Variants in DOP1A observed in about 807,000 individuals in gnomAD.
The protein encoded by DOP1A is protein DOP1A.
In DOP1A, 90 loss-of-function variants were observed where a neutral mutation model predicts 267.6. That is an observed-to-expected ratio of 0.34 (90% CI 0.28 to 0.40). DOP1A has a LOEUF of 0.40. Ranked by LOEUF, DOP1A falls within the 10% of genes least tolerant of loss-of-function variation. DOP1A has a pLI of 1.00. For missense variants in DOP1A, 2,437 were observed against 2,900.4 expected (o/e 0.84, Z 3.67); for synonymous variants, 932 against 999.1 (o/e 0.93, Z 1.27).
intron 27 of DOP1A, among the ~76,000 whole-genome samples, chr6:83,149,269 T>C (rs1781140830): frequency 6.6e-6 from 1 of 152,230 alleles, no homozygotes. Flanking sequence ...TGAAGTTTTC[T>C]GATTTATCTT....
chr6:83,121,289 T>C (rs1198453891), intron 10 of DOP1A, among the ~76,000 whole-genome samples: 3 of 151,812 alleles, frequency 2.0e-5, no homozygotes. Flanking sequence ...GTATGTAATT[T>C]CTTCAAATTA....
intron 1 of DOP1A, among the ~76,000 whole-genome samples, chr6:83,072,312 CA>C (rs1036570587): frequency 5.3e-4 from 75 of 141,252 alleles, no homozygotes; most frequent in South Asian, 1.1e-3. Context: ...TAACGGTTTC[CA>C]AAAAAAAAAA....
chr6:83,068,647 T>A (rs1010677736), intron 1 of DOP1A, among the ~76,000 whole-genome samples: 2 of 152,224 alleles, frequency 1.3e-5, no homozygotes, highest in African/African-American at 4.8e-5. Flanking sequence ...AAATCTGTTT[T>A]GATGTTGTTG....
intron 6 of DOP1A, among the ~76,000 whole-genome samples, chr6:83,111,297 A>T (rs752683841): frequency 1.3e-5 from 2 of 151,708 alleles, no homozygotes; most frequent in Non-Finnish European, 2.9e-5. Context: ...GGTTGTTTCT[A>T]TATTTTTTGG....
chr6:83,124,263 G>A (rs1328508138), intron 12 of DOP1A, among the ~76,000 whole-genome samples: 11 of 152,066 alleles, frequency 7.2e-5, no homozygotes, highest in Admixed American at 7.2e-4. Context: ...CCTGGAGGAG[G>A]TAACATTTGA....
intron 27 of DOP1A, 130 bp from the exon 28 acceptor site, chr6:83,151,463 G>A (rs1781659980): frequency 1.7e-6 from 1 of 597,056 alleles, no homozygotes; most frequent in East Asian, 3.0e-5. Context: ...CATAGGATAT[G>A]TATATATATT....
rs142431375 is a variant in DOP1A at position 83,130,304 on chromosome 6, A to T, written c.2523A>T (p.Leu841Phe). ...NINSVEPAQPLSPNQGRVAVV... is the reference protein window; with the variant it reads ...NINSVEPAQPFSPNQGRVAVV... Reference sequence around the variant, plus strand: ...ACAGTGTAGAGCCTGCACAACCCTTAAGTCCAAACCAGGGAAGAGTAGCTG... The same window carrying T: ...ACAGTGTAGAGCCTGCACAACCCTTTAGTCCAAACCAGGGAAGAGTAGCTG... Residue 841 changes from leucine to phenylalanine, a missense_variant, in exon 17 of 39, where the codon TTA becomes TTT. By Grantham distance (22) the Leu-to-Phe change is conservative (BLOSUM62 0). Coordinates refer to ENST00000349129, the MANE Select transcript of DOP1A (RefSeq NM_015018.4). 229 of 1,613,966 alleles carry T rather than the reference A, an allele frequency of 1.4e-4. No individual in the cohort carries two copies. The highest frequency in any genetic ancestry group is 1.7e-4 in the Non-Finnish European group (199 of 1,179,950).
At chr6:83,167,163 T>C in intron 38 of DOP1A, 1 of 901,932 alleles carries the variant, frequency 1.1e-6, no homozygotes, top group Non-Finnish European at 1.3e-6. Flanking sequence ...TTTTAGACTG[T>C]CCCATTTTAT....
intron 4 of DOP1A, 130 bp downstream of exon 4, chr6:83,101,016 C>T (rs1235230570): frequency 5.4e-6 from 3 of 552,188 alleles, no homozygotes; most frequent in Non-Finnish European, 8.1e-6. Context: ...AGATATCAAT[C>T]TTTGTTTTGT....
chr6:83,138,812 T>A lies in DOP1A; in HGVS notation c.4770T>A (p.Ile1590=). 6.2e-7 allele frequency: 1 copy of A among 1,614,028 alleles called. No homozygotes were observed. The highest frequency in any genetic ancestry group is 8.5e-7 in the Non-Finnish European group (1 of 1,179,934). The change falls in exon 21 of 39, where the codon ATT becomes ATA. Residue 1590 remains isoleucine, a synonymous_variant. Coordinates refer to ENST00000349129, the MANE Select transcript of DOP1A (RefSeq NM_015018.4). ...TTCTTAAGGTGCTTCAGAGGCTGATTGTTCTAGAACACAGAGTAATGACTA... is the reference window on the plus strand; with the variant it reads ...TTCTTAAGGTGCTTCAGAGGCTGATAGTTCTAGAACACAGAGTAATGACTA... ...SQLLKVLQRL[I]VLEHRVMTIP...
chr6:83,135,517 AAT>A (rs1455236152), intron 19 of DOP1A, 100 bp from the exon 20 acceptor site: 16 of 1,277,956 alleles, frequency 1.3e-5, no homozygotes, highest in Non-Finnish European at 1.7e-5. Context: ...ACTACTTCAA[AAT>A]AGTTAATTCA....
rs779239133 is a variant in DOP1A, at chr6:83,108,959, A to T, written c.370A>T (p.Thr124Ser). 1 of 1,613,672 alleles carries T rather than the reference A, an allele frequency of 6.2e-7. No individual in the cohort carries two copies. The highest frequency in any genetic ancestry group is 1.3e-5 in the African/African-American group (1 of 75,010). Residue 124 changes from threonine (T) to serine (S), a missense_variant, in exon 5 of 39, where the codon ACA becomes TCA. By Grantham distance (58) the Thr-to-Ser change is moderately conservative (BLOSUM62 1). Coordinates refer to ENST00000349129, the MANE Select transcript of DOP1A (RefSeq NM_015018.4). ...LANAAMSVKP[T>S]LLSLYEIYYL... ...AAATGCTGCCATGTCTGTGAAACCA[A>T]CATTGCTCAGTTTGTATGAGATATA... is the stretch of plus-strand genomic sequence containing the variant.
intron 24 of DOP1A, among the ~76,000 whole-genome samples, chr6:83,145,266 A>T (rs1646641805): frequency 1.1e-5 from 1 of 88,484 alleles, no homozygotes; most frequent in Non-Finnish European, 2.2e-5. Context: ...TAGTCAAGGG[A>T]CTTGAAGAGG....
intron 1 of DOP1A, among the ~76,000 whole-genome samples, chr6:83,082,070 G>A (rs907700028): frequency 2.6e-5 from 4 of 152,126 alleles, no homozygotes; most frequent in African/African-American, 9.7e-5. Context: ...CACTGTTGGT[G>A]GGAATGTAAA....
chr6:83,129,380 A>C lies in DOP1A; in HGVS notation c.2213A>C (p.Lys738Thr). 2 of 1,611,574 alleles carry C rather than the reference A, an allele frequency of 1.2e-6. No individual in the cohort carries two copies. The highest frequency in any genetic ancestry group is 1.7e-4 in the Middle Eastern group (1 of 6,038). The change falls in exon 16 of 39, where the codon AAA becomes ACA. Residue 738 changes from lysine to threonine, a missense_variant. By Grantham distance (78) the Lys-to-Thr change is moderately conservative (BLOSUM62 -1). Around this residue, in one of 9 missense-constraint regions of DOP1A, gnomAD observed 498 missense variants for 513.5 expected, o/e 0.97. Coordinates refer to ENST00000349129, the MANE Select transcript of DOP1A (RefSeq NM_015018.4). ...DVKEKNISKQ[K>T]TSKEYLSAFL... is the part of the protein sequence containing the mutation. ...AAAGAGAAAAACATAAGTAAACAAAAAACTTCTAAAGAATACCTGTCTGCC... is the reference window on the plus strand; with the variant it reads ...AAAGAGAAAAACATAAGTAAACAAACAACTTCTAAAGAATACCTGTCTGCC...
intron 18 of DOP1A, 48 bp downstream of exon 18, chr6:83,132,376 C>A: frequency 6.6e-7 from 1 of 1,515,718 alleles, no homozygotes; most frequent in Non-Finnish European, 8.9e-7. Context: ...CACACACACA[C>A]ACACACACAA....
downstream of DOP1A, among the ~76,000 whole-genome samples, chr6:83,170,084 A>G (rs1488613922): frequency 6.6e-6 from 1 of 152,246 alleles, no homozygotes. Flanking sequence ...GAAGTCTAGA[A>G]TAAGTCAAAA....
At chr6:83,119,020 G>GA in intron 8 of DOP1A, 33 bp downstream of exon 8, 1 of 1,580,184 alleles carries the variant, frequency 6.3e-7, no homozygotes. Context: ...CATGATTGGG[G>GA]AAAAAATGGA....
intron 25 of DOP1A, 128 bp downstream of exon 25, chr6:83,145,786 T>C: frequency 1.3e-6 from 1 of 755,450 alleles, no homozygotes; most frequent in Admixed American, 3.0e-5. Context: ...CATGTGGCCC[T>C]CACACTGCTT....
Sources: allele counts gnomAD v4.1 joint callset (sites outside exome capture counted in the v4.1 genomes callset), GRCh38; gene constraint gnomAD v4.1.1; regional missense constraint gnomAD v4.1.1; transcripts MANE v1.5; gene names NCBI Gene and HGNC (gene_info 2026-07-23, HGNC 2026-07-21).